FHIT: variants seen among roughly 807,000 people sequenced by gnomAD.
The protein encoded by FHIT is fragile histidine triad diadenosine triphosphatase.
A neutral mutation model predicts 17.9 loss-of-function variants in FHIT; 19 were observed. That is an observed-to-expected ratio of 1.06 (90% CI 0.74 to 1.56). The LOEUF (loss-of-function observed/expected upper bound fraction) is 1.56. FHIT is among the 40% of genes most tolerant of loss of function. The pLI, the probability that FHIT is intolerant of heterozygous loss-of-function variation, is 0.00. For missense variants in FHIT, 248 were observed against 189.2 expected, an observed-to-expected ratio of 1.31 and a Z score of -1.82; for synonymous variants, 81 against 69.7, an observed-to-expected ratio of 1.16 and a Z score of -0.81.
chr3:60,204,244 G>A (rs963422268), intron 5 of FHIT, among the ~76,000 whole-genome samples: 8 of 151,900 alleles, frequency 5.3e-5, no homozygotes, highest in Middle Eastern at 3.4e-3. Flanking sequence ...TAAAAAATGG[G>A]CAAATATATG....
intron 4 of FHIT, among the ~76,000 whole-genome samples, chr3:60,577,125 T>C (rs543789898): frequency 2.6e-5 from 4 of 152,292 alleles, no homozygotes; most frequent in South Asian, 2.1e-4. Context: ...ACACCCCTCA[T>C]TGATCAACAG....
chr3:59,769,454 T>C (rs777698112), intron 8 of FHIT, among the ~76,000 whole-genome samples: 2 of 152,206 alleles, frequency 1.3e-5, no homozygotes, highest in Non-Finnish European at 2.9e-5. Context: ...TCCTTCTCAT[T>C]GTGTGCACTC....
At chr3:60,326,467 C>T (rs1038437817) in intron 5 of FHIT, among the ~76,000 whole-genome samples, 6 of 69,026 alleles carry the variant, frequency 8.7e-5, no homozygotes, top group Admixed American at 3.9e-4. Context: ...TCACAGGAGG[C>T]AGAGCTCAGG....
intron 2 of FHIT, among the ~76,000 whole-genome samples, chr3:61,171,372 G>A (rs558251220): frequency 7.2e-5 from 11 of 152,152 alleles, no homozygotes; most frequent in South Asian, 4.1e-4. Flanking sequence ...TGCATAGTTC[G>A]CAAAAATGTT....
intron 5 of FHIT, among the ~76,000 whole-genome samples, chr3:60,138,027 T>C (rs1181224330): frequency 6.6e-6 from 1 of 152,200 alleles, no homozygotes; most frequent in East Asian, 1.9e-4. Context: ...TTGATGTTCT[T>C]AACCTTGTGA....
At chr3:59,893,262 C>T (rs1703931126) in intron 8 of FHIT, among the ~76,000 whole-genome samples, 2 of 152,100 alleles carry the variant, frequency 1.3e-5, no homozygotes, top group Admixed American at 1.3e-4. Flanking sequence ...AAGGTGTCAA[C>T]TGGTGTTGCA....
intron 3 of FHIT, among the ~76,000 whole-genome samples, chr3:60,972,007 T>G (rs1395647691): frequency 2.0e-5 from 3 of 152,170 alleles, no homozygotes; most frequent in Non-Finnish European, 4.4e-5. Context: ...TTCTTAATGT[T>G]ATGAACTCAT....
chr3:60,098,092 C>T (rs866831776), intron 5 of FHIT, among the ~76,000 whole-genome samples: 3 of 150,384 alleles, frequency 2.0e-5, no homozygotes, highest in East Asian at 3.9e-4. Flanking sequence ...ATATGTGCCA[C>T]GTTTTCTTAA....
intron 5 of FHIT, among the ~76,000 whole-genome samples, chr3:60,433,882 T>C (rs1576646141): frequency 6.6e-6 from 1 of 152,110 alleles, no homozygotes; most frequent in East Asian, 1.9e-4. Flanking sequence ...TTCCACTCTG[T>C]TGACTGTTTC....
intron 5 of FHIT, among the ~76,000 whole-genome samples, chr3:60,121,962 G>C (rs1576148180): frequency 6.6e-6 from 1 of 152,088 alleles, no homozygotes; most frequent in South Asian, 2.1e-4. Flanking sequence ...CTCAAACCAA[G>C]GATAATTTAT....
intron 3 of FHIT, among the ~76,000 whole-genome samples, chr3:60,830,870 A>G (rs782600641): frequency 2.5e-4 from 38 of 152,164 alleles, no homozygotes; most frequent in Non-Finnish European, 5.1e-4. Context: ...GTATTAAAAC[A>G]TCTCATCCTT....
chr3:60,920,447 T>C (rs1403601988), intron 3 of FHIT, among the ~76,000 whole-genome samples: 1 of 152,110 alleles, frequency 6.6e-6, no homozygotes, highest in Non-Finnish European at 1.5e-5. Context: ...GAAAATAGTC[T>C]AGATCGGTAG....
rs188007601 is a variant in FHIT at position 60,302,338 on chromosome 3, G to A, written c.103+234522C>T. Among the ~76,000 whole-genome samples, 15 of 152,000 alleles carry A rather than the reference G, an allele frequency of 9.9e-5. No homozygotes were observed. In the East Asian group the frequency reaches 2.7e-3, roughly 27 times the overall value. On this transcript the variant is annotated intron_variant, in intron 5 of 9. Transcript: ENST00000492590. ...CTCCTCCTGGCATATTTAATCAACA[G>A]AATATTCACAGATCTTTTACCTCCT...
At chr3:60,051,019 G>A (rs938975299) in intron 5 of FHIT, among the ~76,000 whole-genome samples, 1 of 152,138 alleles carries the variant, frequency 6.6e-6, no homozygotes, top group African/African-American at 2.4e-5. Context: ...TCCTCAGAGG[G>A]TTCCTATTCT....
At chr3:60,845,570 A>C (rs1289241263) in intron 3 of FHIT, among the ~76,000 whole-genome samples, 3 of 152,148 alleles carry the variant, frequency 2.0e-5, no homozygotes, top group Non-Finnish European at 4.4e-5. Context: ...TTATTTTTTA[A>C]TTATTTCACT....
intron 4 of FHIT, among the ~76,000 whole-genome samples, chr3:60,744,269 A>AAAAAAAAAAC (rs1559688149): frequency 2.2e-3 from 36 of 16,036 alleles, no homozygotes; most frequent in South Asian, 3.4e-3. Context: ...AAAACAAAAC[A>AAAAAAAAAAC]AAAAAAAAAA....
chr3:60,868,100 G>C (rs1335493867), intron 3 of FHIT, among the ~76,000 whole-genome samples: 3 of 152,128 alleles, frequency 2.0e-5, no homozygotes, highest in Non-Finnish European at 4.4e-5. Flanking sequence ...ACATAAGAAG[G>C]TTGGAAAGGC....
At chr3:60,083,647 C>G (rs1389222653) in intron 5 of FHIT, among the ~76,000 whole-genome samples, 5 of 152,150 alleles carry the variant, frequency 3.3e-5, no homozygotes, top group African/African-American at 1.2e-4. Flanking sequence ...ACTGGTCCCT[C>G]AAACCTTTTC....
chr3:59,856,961 A>T, intron 8 of FHIT, among the ~76,000 whole-genome samples: 1 of 152,120 alleles, frequency 6.6e-6, no homozygotes, highest in East Asian at 1.9e-4. Flanking sequence ...AACTGAGTCA[A>T]GTGGAATTTC....
Sources: allele counts gnomAD v4.1 joint callset (sites outside exome capture counted in the v4.1 genomes callset), GRCh38; gene constraint gnomAD v4.1.1; transcripts MANE v1.5; gene names NCBI Gene and HGNC (gene_info 2026-07-23, HGNC 2026-07-21).